POM121: variants seen among roughly 807,000 people sequenced by gnomAD.
The protein encoded by POM121 is POM121 transmembrane nucleoporin, also known as nuclear envelope pore membrane protein POM 121.
Under a neutral mutation model 81.3 loss-of-function variants are expected in POM121, and 32 were observed. The ratio of observed to expected loss-of-function variants is 0.39; its 90% CI spans 0.30 to 0.53. The LOEUF (loss-of-function observed/expected upper bound fraction) is 0.53. Among genes scored for constraint, POM121 ranks in the 20% least tolerant of loss-of-function variants. The probability of loss-of-function intolerance (pLI) is 0.66; values close to 1 mark genes in which losing one functional copy is unlikely to be tolerated. For synonymous variants in POM121, 514 were observed against 694.2 expected (o/e 0.74, Z 4.08); for missense variants, 1,138 against 1,614.6 (o/e 0.70, Z 5.06).
intron 5 of POM121, among the ~76,000 whole-genome samples, chr7:72,937,605 G>C (rs13221366): frequency 0.12 from 18,326 of 152,104 alleles, 1,218 homozygotes; most frequent in Middle Eastern, 0.22. Flanking sequence ...AAGCATTGCT[G>C]GCTTCCTGTT....
chr7:72,905,210 G>A (rs567224789), intron 3 of POM121, among the ~76,000 whole-genome samples: 3 of 152,256 alleles, frequency 2.0e-5, no homozygotes, highest in South Asian at 4.1e-4. Context: ...CAGTCAACAC[G>A]TTATATTTTC....
intron 4 of POM121, among the ~76,000 whole-genome samples, chr7:72,916,897 T>A (rs1794338356): frequency 6.6e-6 from 1 of 152,222 alleles, no homozygotes; most frequent in Non-Finnish European, 1.5e-5. Context: ...TGAGAGTTTT[T>A]AAAAAGTTTT....
Position 72,942,874 on chromosome 7 carries a change from C to T in POM121, c.2881C>T (p.Pro961Ser), listed in dbSNP as rs1554501870. 1 of 1,592,674 alleles carries T rather than the reference C, an allele frequency of 6.3e-7. No homozygotes were observed. The highest frequency in any genetic ancestry group is 1.3e-5 in the African/African-American group (1 of 74,248). The change falls in exon 11 of 13, where the codon CCA becomes TCA. Residue 961 changes from proline to serine, a missense_variant. Physicochemically the swap from Pro to Ser is moderately conservative, Grantham distance 74 (BLOSUM62 -1). This residue lies in a region of POM121 where 45 missense variants were observed against 75.7 expected (regional missense o/e 0.59). Transcript: ENST00000434423. Reference sequence around the variant, plus strand: ...TGGCTCAAGCGCCAAGTCCCCGCTCCCATCATATCCGGGAGCCAACCCCCA... The same window carrying T: ...TGGCTCAAGCGCCAAGTCCCCGCTCTCATCATATCCGGGAGCCAACCCCCA... ...PFGSSAKSPLPSYPGANPQPA... is the reference protein window; with the variant it reads ...PFGSSAKSPLSSYPGANPQPA...
intron 1 of POM121, among the ~76,000 whole-genome samples, chr7:72,887,993 G>A (rs1554490320): frequency 6.6e-6 from 1 of 152,192 alleles, no homozygotes; most frequent in African/African-American, 2.4e-5. Context: ...GAGGGCAGAA[G>A]TCCTCATGTC....
At position 72,941,459 on chromosome 7, in the gene POM121, C is replaced by G. The variant is rs567011737; in HGVS notation, c.1844-378C>G. 1.6e-4 allele frequency among the ~76,000 whole-genome samples: 24 copies of G among 148,602 alleles called. No individual in the cohort carries two copies. In the South Asian group the frequency reaches 4.8e-3, roughly 30 times the overall value. On this transcript the variant is annotated intron_variant, in intron 10 of 12. Transcript: ENST00000434423. ...GACGGTAACCTGGGGTTCGTACGCA[C>G]CCTCCCTGCTCAAGGGCAGAGACTT...
rs145348346 is a variant in POM121 at position 72,943,253 on chromosome 7, C to T, written c.3260C>T (p.Ser1087Leu). 3.9e-5 allele frequency: 63 copies of T among 1,611,082 alleles called. No homozygotes were observed. In the African/African-American group the frequency reaches 5.3e-4, roughly 14 times the overall value. Reference sequence around the variant, plus strand: ...ACCGCCAGCAGCGGGAGCAGCAGCTCGGTGTTTGGCAGCACAACACCATCA... The same window carrying T: ...ACCGCCAGCAGCGGGAGCAGCAGCTTGGTGTTTGGCAGCACAACACCATCA... ...TQTASSGSSSSVFGSTTPSPF... is the reference protein window; with the variant it reads ...TQTASSGSSSLVFGSTTPSPF... Residue 1087 changes from serine (S) to leucine (L), a missense_variant, in exon 11 of 13, where the codon TCG becomes TTG. This residue lies in a region of POM121 where 336 missense variants were observed against 344.3 expected (regional missense o/e 0.98). Transcript: ENST00000434423.
chr7:72,926,742 T>A (rs1246438122), intron 2 of POM121, 60 bp from the exon 3 acceptor site: 8 of 1,579,636 alleles, frequency 5.1e-6, no homozygotes, highest in Non-Finnish European at 6.9e-6. Flanking sequence ...TTCTGAAGTC[T>A]GTGCTATATG....
chr7:72,925,469 C>G lies in POM121; in HGVS notation c.348C>G (p.Asn116Lys). Residue 116 changes from asparagine to lysine, a missense_variant, in exon 1 of 13, where the codon AAC (asparagine) becomes AAG (lysine). Transcript: ENST00000434423. The part of the protein sequence containing the change: ...FASPLAKSTA[N>K]GNLLEPRTLL... ...CGCCTCTGGCCAAGTCGACAGCCAA[C>G]GGAAACCTCCTAGAGCCGCGGACCC... 6.5e-7 allele frequency: 1 copy of G among 1,533,804 alleles called. No individual in the cohort carries two copies. Among genetic ancestry groups the G allele is most frequent in the Non-Finnish European group, 8.7e-7 (1 of 1,146,576 alleles).
rs782620820 is a variant in POM121 at position 72,926,375 on chromosome 7, A to T, written c.758A>T (p.Tyr253Phe). ...GVLPTVCWNG[Y>F]HKKAVLSPRN... ...CTTCCCACCGTGTGCTGGAATGGTT[A>T]TCACAAGAAGGCTGTGCTGTCCCCT... The change falls in exon 2 of 13, where the codon TAT becomes TTT. Residue 253 changes from tyrosine (Y) to phenylalanine (F), a missense_variant. By Grantham distance (22) the Tyr-to-Phe change is conservative (BLOSUM62 3). Transcript: ENST00000434423. The T allele has an allele frequency of 1.2e-6, 2 of 1,613,970 alleles. No homozygotes were observed. The highest frequency in any genetic ancestry group is 1.7e-5 in the Admixed American group (1 of 60,012).
At chr7:72,901,534 C>T (rs1792652418) in intron 3 of POM121, among the ~76,000 whole-genome samples, 1 of 151,710 alleles carries the variant, frequency 6.6e-6, no homozygotes, top group African/African-American at 2.4e-5. Flanking sequence ...TTTGTCTTTT[C>T]AGTAGAGACG....
chr7:72,900,367 C>A (rs570640942), intron 3 of POM121, among the ~76,000 whole-genome samples: 20 of 143,242 alleles, frequency 1.4e-4, no homozygotes, highest in African/African-American at 3.3e-4. Context: ...TCTCTTTTTG[C>A]TTTTTTTTTT....
At chr7:72,944,184 G>A (rs1554502664) in intron 11 of POM121, among the ~76,000 whole-genome samples, 1 of 151,998 alleles carries the variant, frequency 6.6e-6, no homozygotes, top group East Asian at 1.9e-4. Context: ...CATGGCAGGA[G>A]GGCAGGAGCT....
intron 5 of POM121, among the ~76,000 whole-genome samples, chr7:72,933,318 C>G (rs1440351851): frequency 2.0e-5 from 3 of 151,336 alleles, no homozygotes; most frequent in Non-Finnish European, 4.4e-5. Flanking sequence ...ACGCCACTGC[C>G]CTCCAGCCTG....
downstream of POM121, chr7:72,948,982 T>A: frequency 6.2e-7 from 1 of 1,611,138 alleles, no homozygotes; most frequent in Non-Finnish European, 8.5e-7. Flanking sequence ...GACGAGCCGC[T>A]GCAGGGAAGG....
At chr7:72,882,322 T>C (rs1286937150) in intron 1 of POM121, among the ~76,000 whole-genome samples, 5 of 152,036 alleles carry the variant, frequency 3.3e-5, no homozygotes, top group African/African-American at 9.7e-5. Flanking sequence ...AGAGGGAACA[T>C]TGGGGATTAC....
upstream of POM121, among the ~76,000 whole-genome samples, chr7:72,921,438 G>T (rs781793736): frequency 3.3e-5 from 5 of 152,078 alleles, no homozygotes; most frequent in Admixed American, 3.3e-4. Flanking sequence ...AGCCATCTCA[G>T]CCTGATCTCT....
chr7:72,887,589 A>C (rs77713604), intron 1 of POM121, among the ~76,000 whole-genome samples: 2 of 152,234 alleles, frequency 1.3e-5, no homozygotes, highest in East Asian at 3.9e-4. Flanking sequence ...CAACAACAAC[A>C]AGGCTAAGGC....
At chr7:72,880,487 A>C (rs1554489149) in intron 1 of POM121, among the ~76,000 whole-genome samples, 2 of 152,118 alleles carry the variant, frequency 1.3e-5, no homozygotes, top group Admixed American at 6.5e-5. Flanking sequence ...AACTTCAGTT[A>C]GATAATTTAG....
chr7:72,937,678 G>T (rs534767626), intron 5 of POM121, among the ~76,000 whole-genome samples: 44 of 152,346 alleles, frequency 2.9e-4, no homozygotes, highest in African/African-American at 9.6e-4. Context: ...AAGTAGGAAA[G>T]ACGGTCTGAG....
Sources: gnomAD v4.1 joint callset for allele counts (sites outside exome capture counted in the v4.1 genomes callset) on GRCh38, gnomAD v4.1.1 for gene constraint, gnomAD v4.1.1 regional missense constraint, MANE v1.5 for transcripts, NCBI Gene and HGNC (gene_info 2026-07-23, HGNC 2026-07-21) for gene names.